Variants in TBC1D5 observed in about 807,000 individuals in gnomAD.
TBC1D5 encodes TBC1 domain family, member 5.
In TBC1D5, 75 loss-of-function variants were observed where a neutral mutation model predicts 100.3. The observed-to-expected ratio is 0.75, with a 90% CI of 0.62 to 0.91. TBC1D5 has a LOEUF of 0.91. Ranked by LOEUF, TBC1D5 falls within the 40% of genes least tolerant of loss-of-function variation. The pLI, the probability that TBC1D5 is intolerant of heterozygous loss-of-function variation, is 0.00. For synonymous variants in TBC1D5, 323 were observed against 325.6 expected (o/e 0.99, Z 0.09); for missense variants, 910 against 942.4 (o/e 0.97, Z 0.45).
intron 15 of TBC1D5, among the ~76,000 whole-genome samples, chr3:17,270,562 C>T (rs922319635): frequency 2.0e-5 from 3 of 152,050 alleles, no homozygotes; most frequent in Non-Finnish European, 4.4e-5. Flanking sequence ...ATATTTTCTC[C>T]CATTCTGTAG....
At chr3:17,706,525 G>A (rs993723922) in intron 1 of TBC1D5, among the ~76,000 whole-genome samples, 1 of 151,998 alleles carries the variant, frequency 6.6e-6, no homozygotes, top group Non-Finnish European at 1.5e-5. Context: ...ATCATGTACT[G>A]TATTATAGAA....
At chr3:17,486,077 T>C (rs2095563120) in intron 3 of TBC1D5, among the ~76,000 whole-genome samples, 1 of 152,064 alleles carries the variant, frequency 6.6e-6, no homozygotes. Flanking sequence ...TTGATTTGCA[T>C]TTCTCTGATG....
intron 1 of TBC1D5, among the ~76,000 whole-genome samples, chr3:17,702,782 AG>A (rs1266593295): frequency 6.6e-6 from 1 of 152,174 alleles, no homozygotes; most frequent in East Asian, 1.9e-4. Flanking sequence ...ACTACCTCCA[AG>A]GGTAGAAAAA....
At chr3:17,287,832 C>G (rs563909401) in intron 15 of TBC1D5, among the ~76,000 whole-genome samples, 2 of 152,268 alleles carry the variant, frequency 1.3e-5, no homozygotes, top group East Asian at 3.9e-4. Flanking sequence ...TAGGATAAAG[C>G]GCTTTTCTGA....
At chr3:17,166,708 A>G in intron 21 of TBC1D5, 59 bp downstream of exon 22, 1 of 1,554,186 alleles carries the variant, frequency 6.4e-7, no homozygotes, top group African/African-American at 1.4e-5. Flanking sequence ...AACTTTGAGG[A>G]ACTTATGTGA....
intron 2 of TBC1D5, among the ~76,000 whole-genome samples, chr3:17,528,781 T>C (rs941413561): frequency 6.6e-6 from 1 of 152,188 alleles, no homozygotes; most frequent in Admixed American, 6.5e-5. Context: ...AGTTACTCAG[T>C]CCATTTTGAT....
intron 17 of TBC1D5, among the ~76,000 whole-genome samples, chr3:17,221,072 TTTC>T (rs2074232866): frequency 6.6e-6 from 1 of 152,044 alleles, no homozygotes; most frequent in Non-Finnish European, 1.5e-5. Flanking sequence ...TTGGGTCAAT[TTTC>T]TTCTTCTTGG....
At chr3:17,590,247 G>C (rs1326088969) in intron 2 of TBC1D5, among the ~76,000 whole-genome samples, 1 of 152,166 alleles carries the variant, frequency 6.6e-6, no homozygotes, top group Non-Finnish European at 1.5e-5. Flanking sequence ...AAGGGTGTAG[G>C]ATAATGGTGG....
At position 17,494,900 on chromosome 3, in the gene TBC1D5, C is replaced by T. The variant is rs2095686346; in HGVS notation, c.97+13574G>A. Among the ~76,000 whole-genome samples the T allele has an allele frequency of 2.6e-5, 4 of 152,338 alleles. No individual in the cohort carries two copies. The South Asian group carries it at 6.2e-4, about 24-fold the overall frequency. ...TGCTTGGGACCCAAGACTCTGGTGGCATGGGCTCATGAGGGGATACCCTGA... is the reference window on the plus strand; with the variant it reads ...TGCTTGGGACCCAAGACTCTGGTGGTATGGGCTCATGAGGGGATACCCTGA... On this transcript the variant is annotated intron_variant, in intron 3 of 21. Coordinates refer to ENST00000253692, the Ensembl canonical transcript of TBC1D5.
At chr3:17,250,465 G>T (rs1203284279) in intron 16 of TBC1D5, among the ~76,000 whole-genome samples, 1 of 152,142 alleles carries the variant, frequency 6.6e-6, no homozygotes, top group African/African-American at 2.4e-5. Context: ...AGCCCTACAT[G>T]ATCTAGCCTC....
intron 2 of TBC1D5, among the ~76,000 whole-genome samples, chr3:17,520,907 C>A (rs1378152207): frequency 6.6e-6 from 1 of 152,096 alleles, no homozygotes; most frequent in Non-Finnish European, 1.5e-5. Context: ...AAGGACAAGA[C>A]CCCAAAAGAA....
At chr3:17,267,676 T>C (rs1166657020) in intron 15 of TBC1D5, among the ~76,000 whole-genome samples, 1 of 152,144 alleles carries the variant, frequency 6.6e-6, no homozygotes, top group East Asian at 1.9e-4. Context: ...GAATAAGTCC[T>C]TGGACTGAGA....
chr3:17,609,961 C>T (rs894139286), intron 2 of TBC1D5, among the ~76,000 whole-genome samples: 4 of 152,224 alleles, frequency 2.6e-5, no homozygotes, highest in African/African-American at 9.6e-5. Context: ...AAAACCTTTA[C>T]TCTACATATG....
intron 18 of TBC1D5, 141 bp from the exon 20 acceptor site, chr3:17,185,349 A>G (rs1363092520): frequency 1.7e-6 from 1 of 581,620 alleles, no homozygotes; most frequent in African/African-American, 1.8e-5. Context: ...AAACAAAAAC[A>G]AAATCACAAC....
rs185691094 is a variant in TBC1D5, at chr3:17,514,868, G to A, written c.-35-6263C>T. On this transcript the variant is annotated intron_variant, in intron 2 of 21. Transcript: ENST00000253692. ...GACTGGGGAATTAGCTTGGCCTAGTGAGCAAAACCAAACCTTTTATTATGA... is the reference window on the plus strand; with the variant it reads ...GACTGGGGAATTAGCTTGGCCTAGTAAGCAAAACCAAACCTTTTATTATGA... Among the ~76,000 whole-genome samples, 157 of 151,956 alleles carry A rather than the reference G, an allele frequency of 1.0e-3. 2 individuals carry two copies. The South Asian group carries it at 0.019, about 18-fold the overall frequency.
At chr3:17,276,991 G>A (rs1193907075) in intron 15 of TBC1D5, among the ~76,000 whole-genome samples, 2 of 152,198 alleles carry the variant, frequency 1.3e-5, no homozygotes, top group African/African-American at 4.8e-5. Context: ...AGAACTGTGT[G>A]AGCCTGAGAC....
chr3:17,607,270 CA>C (rs11290168), intron 2 of TBC1D5, among the ~76,000 whole-genome samples: 72,654 of 151,196 alleles, frequency 0.48, 18,461 homozygotes, highest in African/African-American at 0.61. Flanking sequence ...ATGTGTACAG[CA>C]AAAAAAAATT....
At chr3:17,185,527 A>C (rs2068933605) in intron 18 of TBC1D5, among the ~76,000 whole-genome samples, 1 of 152,214 alleles carries the variant, frequency 6.6e-6, no homozygotes, top group Non-Finnish European at 1.5e-5. Context: ...AAAAGTGCAC[A>C]ATATATCTTC....
At chr3:17,422,824 GATT>G (rs1206447698) in intron 4 of TBC1D5, among the ~76,000 whole-genome samples, 3 of 151,886 alleles carry the variant, frequency 2.0e-5, no homozygotes, top group Non-Finnish European at 4.4e-5. Flanking sequence ...CAAATTTATT[GATT>G]ATTGATTATA....
Sources: gnomAD v4.1 joint callset for allele counts (sites outside exome capture counted in the v4.1 genomes callset) on GRCh38, gnomAD v4.1.1 for gene constraint, MANE v1.5 for transcripts, NCBI Gene and HGNC (gene_info 2026-07-23, HGNC 2026-07-21) for gene names.